GLCCI1: variants seen among roughly 807,000 people sequenced by gnomAD.
The protein encoded by GLCCI1 is glucocorticoid-induced transcript 1 protein.
In GLCCI1, 24 loss-of-function variants were observed where a neutral mutation model predicts 52.2. The ratio of observed to expected loss-of-function variants is 0.46; its 90% confidence interval spans 0.33 to 0.65. The LOEUF is 0.65. GLCCI1 is among the 30% of genes least tolerant of loss of function. The pLI, the probability that GLCCI1 is intolerant of heterozygous loss-of-function variation, is 0.02. For synonymous variants in GLCCI1, 310 were observed against 276.5 expected (o/e 1.12, Z -1.20); for missense variants, 704 against 701.5 (o/e 1.00, Z -0.04).
chr7:8,073,857 G>A (rs1396200246), intron 6 of GLCCI1, among the ~76,000 whole-genome samples: 1 of 152,142 alleles, frequency 6.6e-6, no homozygotes, highest in African/African-American at 2.4e-5. Context: ...ATATTTAGCT[G>A]AGAGGCATTA....
At chr7:8,016,293 C>A (rs1562429036) in intron 2 of GLCCI1, among the ~76,000 whole-genome samples, 1 of 152,076 alleles carries the variant, frequency 6.6e-6, no homozygotes, top group Admixed American at 6.5e-5. Flanking sequence ...CATGGTGAAA[C>A]CCCGTCTCTA....
At chr7:7,979,249 T>C (rs1005656479) in intron 1 of GLCCI1, among the ~76,000 whole-genome samples, 9 of 152,330 alleles carry the variant, frequency 5.9e-5, no homozygotes, top group African/African-American at 2.2e-4. Flanking sequence ...ATTAATACTT[T>C]ACATGCCAGA....
intron 6 of GLCCI1, among the ~76,000 whole-genome samples, chr7:8,082,297 T>C (rs1184437857): frequency 6.6e-6 from 1 of 152,290 alleles, no homozygotes; most frequent in Non-Finnish European, 1.5e-5. Context: ...AAATATGTCT[T>C]CTTTGTATGT....
chr7:7,978,162 A>G (rs1780534856), intron 1 of GLCCI1, among the ~76,000 whole-genome samples: 1 of 152,202 alleles, frequency 6.6e-6, no homozygotes, highest in African/African-American at 2.4e-5. Context: ...TTGTTTAGAC[A>G]GAATTTAGCA....
chr7:8,086,372 C>G lies in GLCCI1; in HGVS notation c.1478C>G (p.Thr493Ser). The part of the protein sequence containing the change: ...SGQSSALATL[T>S]VEQLSSRVSF... ...CAGAGCTCAGCTTTGGCAACTCTGA[C>G]CGTTGAGCAGCTCTCATCCCGGGTT... is the stretch of plus-strand genomic sequence containing the variant. The change falls in exon 8 of 8, where the codon ACC becomes AGC. Residue 493 changes from threonine to serine, a missense_variant. Physicochemically the swap from Thr to Ser is moderately conservative, Grantham distance 58 (BLOSUM62 1). This residue lies in a region of GLCCI1 where 149 missense variants were observed against 152.9 expected (regional missense o/e 0.97). Transcript: ENST00000223145. The surrounding 1 kb of genome is among the most constrained non-coding windows in gnomAD (Gnocchi z 4.4). 6 of 1,614,136 alleles carry G rather than the reference C, an allele frequency of 3.7e-6. No homozygotes were observed. Among genetic ancestry groups the G allele is most frequent in the Non-Finnish European group, 5.1e-6 (6 of 1,180,024 alleles).
At position 8,060,177 on chromosome 7, in the gene GLCCI1, G is replaced by A; in HGVS notation, c.895G>A (p.Val299Ile). ...KSSVSRVPCNVEGISPELEKV... is the reference protein window; with the variant it reads ...KSSVSRVPCNIEGISPELEKV... The stretch of plus-strand genomic sequence containing the variant: ...ATCTGTTTCGCGTGTGCCCTGCAAT[G>A]TAGAAGGAATAAGTCCTGAATTAGA... Residue 299 changes from valine to isoleucine, a missense_variant, in exon 5 of 8, where the codon GTA (valine) becomes ATA (isoleucine). Physicochemically the swap from Val to Ile is conservative, Grantham distance 29. Transcript: ENST00000223145. 6.2e-7 allele frequency: 1 copy of A among 1,613,056 alleles called. No individual in the cohort carries two copies. The highest frequency in any genetic ancestry group is 2.2e-5 in the East Asian group (1 of 44,830).
At chr7:8,053,679 G>C (rs532080884) in intron 3 of GLCCI1, among the ~76,000 whole-genome samples, 1 of 151,846 alleles carries the variant, frequency 6.6e-6, no homozygotes, top group South Asian at 2.1e-4. Context: ...GTTGGGACCC[G>C]TTTCAAGTTT....
chr7:8,015,613 T>C (rs751093355), intron 2 of GLCCI1, among the ~76,000 whole-genome samples: 13 of 152,222 alleles, frequency 8.5e-5, no homozygotes, highest in Non-Finnish European at 1.5e-4. Context: ...TAGAGTTGAA[T>C]AGTTCACACC....
chr7:8,050,231 CGTAT>C (rs1240288897), intron 3 of GLCCI1, among the ~76,000 whole-genome samples: 1 of 151,982 alleles, frequency 6.6e-6, no homozygotes, highest in Non-Finnish European at 1.5e-5. Context: ...TGTGCTTGCA[CGTAT>C]GTATTTTCTT....
At chr7:8,053,868 GATTAT>G (rs1782325500) in intron 3 of GLCCI1, among the ~76,000 whole-genome samples, 1 of 152,056 alleles carries the variant, frequency 6.6e-6, no homozygotes, top group African/African-American at 2.4e-5. Context: ...AAAGCTATAG[GATTAT>G]ATTATTTAGG....
chr7:8,030,724 A>G (rs1169688113), intron 3 of GLCCI1, among the ~76,000 whole-genome samples: 1 of 152,130 alleles, frequency 6.6e-6, no homozygotes, highest in Non-Finnish European at 1.5e-5. Context: ...AATGGGCAAA[A>G]TATTTGATTA....
chr7:8,063,615 CT>C (rs917291629), intron 5 of GLCCI1, among the ~76,000 whole-genome samples: 2,811 of 113,662 alleles, frequency 0.025, 56 homozygotes, highest in African/African-American at 0.082. Context: ...ACTTTTCTTC[CT>C]TTTTTTTTTT....
intron 3 of GLCCI1, among the ~76,000 whole-genome samples, chr7:8,040,480 A>C (rs1455938406): frequency 6.6e-6 from 1 of 151,510 alleles, no homozygotes; most frequent in African/African-American, 2.4e-5. Context: ...GCAGAGCAAG[A>C]CCCTGACTCA....
intron 1 of GLCCI1, among the ~76,000 whole-genome samples, chr7:7,993,189 A>AT (rs201419527): frequency 1.3e-5 from 2 of 151,682 alleles, no homozygotes; most frequent in Admixed American, 6.6e-5. Flanking sequence ...AAGTAAAATG[A>AT]TTTTTTTTGT....
At chr7:7,994,300 A>C (rs891642877) in intron 1 of GLCCI1, among the ~76,000 whole-genome samples, 3 of 152,188 alleles carry the variant, frequency 2.0e-5, no homozygotes, top group African/African-American at 7.2e-5. Context: ...TAGTTTATAA[A>C]ATTTTCAGAC....
At chr7:7,977,672 G>C (rs1316742969) in intron 1 of GLCCI1, among the ~76,000 whole-genome samples, 1 of 152,072 alleles carries the variant, frequency 6.6e-6, no homozygotes, top group Non-Finnish European at 1.5e-5. Flanking sequence ...GGTTGGGTAG[G>C]GAAAAGATTG....
At chr7:8,078,944 AT>A (rs2127967785) in intron 6 of GLCCI1, among the ~76,000 whole-genome samples, 1 of 152,330 alleles carries the variant, frequency 6.6e-6, no homozygotes, top group Non-Finnish European at 1.5e-5. Flanking sequence ...TTTAGCAAGA[AT>A]TTTTTTAAAA....
At chr7:8,010,901 A>G (rs565491105) in intron 2 of GLCCI1, among the ~76,000 whole-genome samples, 43 of 150,438 alleles carry the variant, frequency 2.9e-4, no homozygotes, top group African/African-American at 9.5e-4. Context: ...ATCTCTCCTT[A>G]TAACATATAA....
intron 2 of GLCCI1, among the ~76,000 whole-genome samples, chr7:8,005,789 TTTTG>T (rs201072346): frequency 2.0e-5 from 3 of 151,938 alleles, no homozygotes; most frequent in Non-Finnish European, 4.4e-5. Flanking sequence ...CTAGTTTTTT[TTTTG>T]TTTGTTTGTT....
Sources: allele counts gnomAD v4.1 joint callset (sites outside exome capture counted in the v4.1 genomes callset), GRCh38; gene constraint gnomAD v4.1.1; regional missense constraint gnomAD v4.1.1; non-coding constraint Gnocchi (gnomAD v3.1); transcripts MANE v1.5; gene names NCBI Gene and HGNC (gene_info 2026-07-23, HGNC 2026-07-21).